The following FRMD3 variants were observed in gnomAD, a reference collection of about 807,000 sequenced individuals.
FRMD3 encodes FERM domain containing 3, also known as FERM domain-containing protein 3.
A neutral mutation model predicts 70.2 loss-of-function variants in FRMD3; 33 were observed. The observed-to-expected ratio is 0.47, with a 90% CI of 0.36 to 0.63. FRMD3 has a LOEUF of 0.63. Among genes scored for constraint, FRMD3 ranks in the 20% least tolerant of loss-of-function variants. The pLI, the probability that FRMD3 is intolerant of heterozygous loss-of-function variation, is 0.00. For missense variants in FRMD3, 632 were observed against 711.4 expected, an observed-to-expected ratio of 0.89 and a Z score of 1.27; for synonymous variants, 279 against 255.9, an observed-to-expected ratio of 1.09 and a Z score of -0.86.
chr9:83,274,462 A>C (rs1241881787), intron 13 of FRMD3, among the ~76,000 whole-genome samples: 2 of 152,250 alleles, frequency 1.3e-5, no homozygotes, highest in Non-Finnish European at 2.9e-5. Context: ...AGAGCCAAGA[A>C]ATATGTCATA....
Position 83,476,440 on chromosome 9 carries a change from G to A in FRMD3, c.147+61645C>T, listed in dbSNP as rs139513894. ...TGCCTCACTGGCTTAAAGAATGGTG[G>A]TGACACTGTCAGAAATATTGAAGAA... On this transcript the variant is annotated intron_variant, in intron 1 of 13. Transcript: ENST00000304195. Among the ~76,000 whole-genome samples, 21 of 152,212 alleles carry A rather than the reference G, an allele frequency of 1.4e-4. No individual in the cohort carries two copies. In the East Asian group the frequency reaches 3.7e-3, roughly 27 times the overall value.
intron 13 of FRMD3, among the ~76,000 whole-genome samples, chr9:83,283,537 AAAAAAAAAAAAT>A (rs1281884104): frequency 1.6e-4 from 7 of 44,634 alleles, no homozygotes; most frequent in East Asian, 8.8e-3. Flanking sequence ...TCTCAAAAAA[AAAAAAAAAAAAT>A]AATAATAATA....
At chr9:83,551,250 T>C in the FRMD3 span, among the ~76,000 whole-genome samples, 1 of 152,220 alleles carries the variant, frequency 6.6e-6, no homozygotes, top group Non-Finnish European at 1.5e-5. Context: ...GTTTTTGCTT[T>C]AGTTCTGTTT....
At chr9:83,311,821 C>T (rs1190533876) in intron 8 of FRMD3, 66 bp downstream of exon 8, 1 of 1,132,510 alleles carries the variant, frequency 8.8e-7, no homozygotes. Context: ...CCCGAGAAGC[C>T]AAGGAGGGGA....
At chr9:83,272,388 G>A (rs1231416526) in intron 13 of FRMD3, among the ~76,000 whole-genome samples, 5 of 152,090 alleles carry the variant, frequency 3.3e-5, no homozygotes, top group South Asian at 2.1e-4. Flanking sequence ...GATTGCAGAC[G>A]GAGTCTCGTT....
the FRMD3 span, among the ~76,000 whole-genome samples, chr9:83,577,001 CA>C: frequency 6.6e-6 from 1 of 151,884 alleles, no homozygotes; most frequent in Non-Finnish European, 1.5e-5. Flanking sequence ...ACAATAGTAT[CA>C]AAAAATAAAA....
chr9:83,365,966 A>G (rs1210219149), intron 3 of FRMD3, among the ~76,000 whole-genome samples: 1 of 152,154 alleles, frequency 6.6e-6, no homozygotes, highest in East Asian at 1.9e-4. Context: ...TGGCCTCAGC[A>G]GCACACACCA....
rs536897432 is a variant in FRMD3, at chr9:83,292,354, T to C, written c.1071-1627A>G. On this transcript the variant is annotated intron_variant, in intron 12 of 13. Transcript: ENST00000304195. ...TTTGTATTTTTAGTAGAGACGGGGT[T>C]CACTGTGTTAACCAGGATGATGGTC... Among the ~76,000 whole-genome samples the C allele has an allele frequency of 9.2e-5, 14 of 151,966 alleles. No individual in the cohort carries two copies. In the South Asian group the frequency reaches 2.3e-3, roughly 25 times the overall value.
intron 13 of FRMD3, among the ~76,000 whole-genome samples, chr9:83,267,513 C>A (rs1026382667): frequency 5.3e-5 from 8 of 152,108 alleles, no homozygotes. Flanking sequence ...GGAGAAATAA[C>A]CCACTTTTTC....
intron 1 of FRMD3, among the ~76,000 whole-genome samples, chr9:83,451,023 G>A (rs753975759): frequency 1.3e-5 from 2 of 152,154 alleles, no homozygotes; most frequent in African/African-American, 4.8e-5. Flanking sequence ...CCTTCAACCC[G>A]AGAGCAACGA....
chr9:83,478,859 C>A (rs920226675), intron 1 of FRMD3, among the ~76,000 whole-genome samples: 2 of 152,068 alleles, frequency 1.3e-5, no homozygotes, highest in Admixed American at 6.6e-5. Flanking sequence ...CCCTCAGTTT[C>A]CCAGAGTTCC....
the FRMD3 span, among the ~76,000 whole-genome samples, chr9:83,545,004 A>G: frequency 6.6e-6 from 1 of 152,238 alleles, no homozygotes; most frequent in Non-Finnish European, 1.5e-5. Context: ...AAAGGATCAC[A>G]CTAAATATCT....
intron 13 of FRMD3, among the ~76,000 whole-genome samples, chr9:83,250,656 G>C (rs555485352): frequency 1.4e-4 from 21 of 152,316 alleles, no homozygotes; most frequent in African/African-American, 3.6e-4. Flanking sequence ...AGTTGACTCA[G>C]TTGCTCCAGC....
rs537623539 is a variant in FRMD3 at position 83,275,747 on chromosome 9, C to G, written c.1195+14856G>C. Among the ~76,000 whole-genome samples the G allele has an allele frequency of 4.6e-5, 7 of 152,322 alleles. No homozygotes were observed. The East Asian group carries it at 1.3e-3, about 29-fold the overall frequency. On this transcript the variant is annotated intron_variant, in intron 13 of 13. Transcript: ENST00000304195. ...GTACGCTAAACCCTCATGAATAAAACTAGGGCCTGAATACCTATGGTTTAC... is the reference window on the plus strand; with the variant it reads ...GTACGCTAAACCCTCATGAATAAAAGTAGGGCCTGAATACCTATGGTTTAC...
intron 3 of FRMD3, among the ~76,000 whole-genome samples, chr9:83,355,223 C>T (rs1156363306): frequency 2.0e-5 from 3 of 152,134 alleles, no homozygotes; most frequent in Non-Finnish European, 2.9e-5. Context: ...AGGGGAATGA[C>T]GTAAAGAAAG....
chr9:83,509,048 A>T (rs1205216922), intron 1 of FRMD3, among the ~76,000 whole-genome samples: 1 of 132,144 alleles, frequency 7.6e-6, no homozygotes, highest in Non-Finnish European at 1.6e-5. Flanking sequence ...TATTCAAAGC[A>T]TTTACCAACA....
chr9:83,423,585 C>CTTTTTT (rs869226126), intron 1 of FRMD3, among the ~76,000 whole-genome samples: 1,953 of 60,492 alleles, frequency 0.032, 317 homozygotes, highest in Non-Finnish European at 0.039. Context: ...AGCCCTGTTT[C>CTTTTTT]TTTTTTTTTT....
chr9:83,493,747 A>T (rs370236596), intron 1 of FRMD3, among the ~76,000 whole-genome samples: 1 of 152,188 alleles, frequency 6.6e-6, no homozygotes, highest in East Asian at 1.9e-4. Flanking sequence ...CAAGGATCAG[A>T]TCGCATAGAT....
At chr9:83,490,349 G>A (rs1338013180) in intron 1 of FRMD3, among the ~76,000 whole-genome samples, 2 of 152,044 alleles carry the variant, frequency 1.3e-5, no homozygotes, top group East Asian at 1.9e-4. Context: ...GAGTGCCAAT[G>A]GCACTTTCAG....
Sources: allele counts gnomAD v4.1 joint callset (sites outside exome capture counted in the v4.1 genomes callset), GRCh38; gene constraint gnomAD v4.1.1; transcripts MANE v1.5; gene names NCBI Gene and HGNC (gene_info 2026-07-23, HGNC 2026-07-21).